The following CYB5R4 variants were observed in gnomAD, a reference collection of about 807,000 sequenced individuals.
CYB5R4 encodes the protein cytochrome b5 reductase 4, also known as N-terminal cytochrome b5 and cytochrome b5 oxidoreductase domain-containing protein.
A neutral mutation model predicts 70.2 loss-of-function variants in CYB5R4; 55 were observed. That is an observed-to-expected ratio of 0.78 (90% CI 0.63 to 0.98). The LOEUF (loss-of-function observed/expected upper bound fraction) is 0.98, where lower values mean the gene tolerates loss of function less well. CYB5R4 is among the 50% of genes least tolerant of loss of function. The probability of loss-of-function intolerance (pLI) is 0.00; values close to 1 mark genes in which losing one functional copy is unlikely to be tolerated. For missense variants in CYB5R4, 562 were observed against 612.6 expected, an observed-to-expected ratio of 0.92 and a Z score of 0.87; for synonymous variants, 197 against 199.5, an observed-to-expected ratio of 0.99 and a Z score of 0.11.
intron 14 of CYB5R4, 62 bp from the exon 15 acceptor site, chr6:83,955,236 G>T: frequency 7.6e-7 from 1 of 1,307,258 alleles, no homozygotes; most frequent in Non-Finnish European, 1.0e-6. Flanking sequence ...TCTTGAACTT[G>T]AAACATGTTA....
chr6:83,936,942 A>G (rs1215971672), intron 12 of CYB5R4, among the ~76,000 whole-genome samples: 1 of 152,260 alleles, frequency 6.6e-6, no homozygotes, highest in Non-Finnish European at 1.5e-5. Flanking sequence ...CAAGATGCCC[A>G]TCAACCTTTT....
chr6:83,862,148 G>T (rs2099456052), intron 1 of CYB5R4, among the ~76,000 whole-genome samples: 1 of 152,210 alleles, frequency 6.6e-6, no homozygotes, highest in African/African-American at 2.4e-5. Context: ...AGGATTCAAT[G>T]AGATAATGTT....
In CYB5R4 at chr6:83,873,950, G is replaced by A. The variant is rs1588559958; in HGVS notation, c.229+9622G>A. Among the ~76,000 whole-genome samples the A allele has an allele frequency of 2.6e-5, 4 of 152,152 alleles. No individual in the cohort carries two copies. In the South Asian group the frequency reaches 6.2e-4, roughly 24 times the overall value. On this transcript the variant is annotated intron_variant, in intron 2 of 15. Transcript: ENST00000369681. ...AGGAAAAAGCATGCAAAGGATGGGT[G>A]GTGTGTTTATGTGTGATTTCTTTGT...
At position 83,919,760 on chromosome 6, in the gene CYB5R4, CTGTGTGTGTGTGTGTGTGTG is replaced by C. The variant is rs58002492; in HGVS notation, c.564+328_564+347del. Among the ~76,000 whole-genome samples, 970 of 142,082 alleles carry C rather than the reference CTGTGTGTGTGTGTGTGTGTG, an allele frequency of 6.8e-3. 4 individuals carry two copies. The highest frequency in any genetic ancestry group is 0.012 in the Non-Finnish European group (772 of 64,116). The allele number at this position is 142,082 out of a possible 152,430, so 93.2% of individuals were successfully genotyped here. On this transcript the variant is annotated intron_variant, in intron 7 of 15. Transcript: ENST00000369681. ...AGTAGGAAGTATTTTATGTGTTTTTCTGTGTGTGTGTGTGTGTGTGTGTGTGTGTGTGTGTGTGTGTAAAG... is the reference window on the plus strand; with the variant it reads ...AGTAGGAAGTATTTTATGTGTTTTTCTGTGTGTGTGTGTGTGTGTGTAAAG...
At chr6:83,918,138 G>A in intron 6 of CYB5R4, 73 bp downstream of exon 6, 2 of 1,131,510 alleles carry the variant, frequency 1.8e-6, no homozygotes, top group East Asian at 2.5e-5. Flanking sequence ...AAAAAATAAA[G>A]TAGCTCTGGG....
chr6:83,901,281 G>A (rs965467723), intron 3 of CYB5R4, among the ~76,000 whole-genome samples: 5 of 152,186 alleles, frequency 3.3e-5, no homozygotes, highest in African/African-American at 1.2e-4. Flanking sequence ...GAAGAATGTT[G>A]AATATTGGCC....
intron 4 of CYB5R4, chr6:83,910,176 A>G: frequency 6.4e-7 from 1 of 1,563,280 alleles, no homozygotes; most frequent in Non-Finnish European, 8.7e-7. Flanking sequence ...ACTGTGAGCA[A>G]GGACAAGACA....
chr6:83,942,357 G>A (rs904358120), intron 14 of CYB5R4, among the ~76,000 whole-genome samples: 6 of 152,196 alleles, frequency 3.9e-5, no homozygotes, highest in Admixed American at 6.5e-5. Context: ...TGTCTCACCC[G>A]GGAAGCTCAA....
intron 14 of CYB5R4, among the ~76,000 whole-genome samples, chr6:83,941,373 A>G (rs61756915): frequency 0.026 from 3,947 of 152,320 alleles, 79 homozygotes; most frequent in Non-Finnish European, 0.038. Flanking sequence ...TCAATAAGTT[A>G]TCATACTTTC....
intron 14 of CYB5R4, among the ~76,000 whole-genome samples, chr6:83,952,350 C>T (rs188851063): frequency 1.3e-3 from 199 of 152,092 alleles, no homozygotes; most frequent in South Asian, 4.0e-3. Context: ...AAAGTCTGTG[C>T]CTTGAGAGAA....
chr6:83,958,182 C>G (rs891645534), intron 15 of CYB5R4, among the ~76,000 whole-genome samples: 1 of 152,110 alleles, frequency 6.6e-6, no homozygotes, highest in Non-Finnish European at 1.5e-5. Flanking sequence ...AGATAAGCAG[C>G]TTATCATTAC....
chr6:83,863,013 C>T (rs2099456189), intron 1 of CYB5R4, among the ~76,000 whole-genome samples: 2 of 152,164 alleles, frequency 1.3e-5, no homozygotes, highest in African/African-American at 4.8e-5. Flanking sequence ...AATGTGTCTG[C>T]TTTTACATTA....
At chr6:83,900,482 T>A (rs1048236739) in intron 3 of CYB5R4, among the ~76,000 whole-genome samples, 2 of 152,176 alleles carry the variant, frequency 1.3e-5, no homozygotes, top group African/African-American at 4.8e-5. Flanking sequence ...GTCTATTAGG[T>A]CCACTTGGTG....
chr6:83,895,252 G>A (rs933602031), intron 3 of CYB5R4, among the ~76,000 whole-genome samples: 4 of 151,918 alleles, frequency 2.6e-5, no homozygotes, highest in African/African-American at 9.7e-5. Context: ...TGCAACCTGC[G>A]CCTCCCAGGT....
intron 2 of CYB5R4, among the ~76,000 whole-genome samples, chr6:83,892,469 T>C (rs927626418): frequency 6.6e-6 from 1 of 152,198 alleles, no homozygotes; most frequent in Non-Finnish European, 1.5e-5. Flanking sequence ...GTGATGTCTT[T>C]AGGGCTAGAT....
chr6:83,897,188 G>A (rs1297096655), intron 3 of CYB5R4, among the ~76,000 whole-genome samples: 1 of 151,966 alleles, frequency 6.6e-6, no homozygotes, highest in Admixed American at 6.6e-5. Context: ...GCGATAGTTT[G>A]CTGAGAATGA....
At chr6:83,902,210 T>C (rs2099463086) in intron 3 of CYB5R4, among the ~76,000 whole-genome samples, 1 of 152,118 alleles carries the variant, frequency 6.6e-6, no homozygotes, top group African/African-American at 2.4e-5. Flanking sequence ...GGTGAAATAT[T>C]GGAGTTCATT....
intron 9 of CYB5R4, among the ~76,000 whole-genome samples, chr6:83,923,277 T>A (rs945173817): frequency 6.6e-6 from 1 of 152,192 alleles, no homozygotes; most frequent in Admixed American, 6.5e-5. Context: ...GAATGGTATA[T>A]TCTTGTTTTC....
intron 11 of CYB5R4, among the ~76,000 whole-genome samples, chr6:83,935,098 T>A (rs145887940): frequency 6.6e-6 from 1 of 152,328 alleles, no homozygotes; most frequent in African/African-American, 2.4e-5. Context: ...TACTTAGGGT[T>A]GTATCATTTA....
Sources: gnomAD v4.1 joint callset for allele counts (sites outside exome capture counted in the v4.1 genomes callset) on GRCh38, gnomAD v4.1.1 for gene constraint, MANE v1.5 for transcripts, NCBI Gene and HGNC (gene_info 2026-07-23, HGNC 2026-07-21) for gene names.